The following DPP10 variants were observed in gnomAD, a reference collection of about 807,000 sequenced individuals.
The protein encoded by DPP10 is dipeptidyl peptidase like 10, also known as inactive dipeptidyl peptidase 10.
A neutral mutation model predicts 120.9 loss-of-function variants in DPP10; 33 were observed. That is an observed-to-expected ratio of 0.27 (90% CI 0.21 to 0.37). DPP10 has a LOEUF of 0.37. DPP10 is among the 10% of genes least tolerant of loss of function. The probability of loss-of-function intolerance (pLI) is 1.00; values close to 1 mark genes in which losing one functional copy is unlikely to be tolerated. For missense variants in DPP10, 816 were observed against 942.8 expected, an observed-to-expected ratio of 0.87 and a Z score of 1.76; for synonymous variants, 337 against 326.1, an observed-to-expected ratio of 1.03 and a Z score of -0.36.
chr2:115,818,062 G>A (rs942224830), intron 21 of DPP10, among the ~76,000 whole-genome samples: 3 of 152,100 alleles, frequency 2.0e-5, no homozygotes, highest in Non-Finnish European at 4.4e-5. Flanking sequence ...AAAAAAGAGA[G>A]GGATGGAGGG....
intron 21 of DPP10, among the ~76,000 whole-genome samples, chr2:115,830,410 T>C (rs549857044): frequency 1.3e-5 from 2 of 151,936 alleles, no homozygotes; most frequent in African/African-American, 4.8e-5. Context: ...AGTTTAGTTG[T>C]CTTATAAACA....
chr2:115,667,116 C>T (rs62157882), intron 5 of DPP10, among the ~76,000 whole-genome samples: 11,821 of 152,088 alleles, frequency 0.078, 643 homozygotes, highest in Non-Finnish European at 0.11. Context: ...TGATGTTGAG[C>T]GTATTTTCAT....
intron 5 of DPP10, among the ~76,000 whole-genome samples, chr2:115,628,720 C>T (rs1297975686): frequency 6.6e-6 from 1 of 151,906 alleles, no homozygotes; most frequent in Non-Finnish European, 1.5e-5. Context: ...GGTTCAGTTT[C>T]AATTTTCTAC....
At chr2:114,600,715 T>G (rs1450254305) in intron 1 of DPP10, among the ~76,000 whole-genome samples, 3 of 151,874 alleles carry the variant, frequency 2.0e-5, no homozygotes, top group Non-Finnish European at 2.9e-5. Context: ...CTAGCCTAAG[T>G]TGGTGTAGAA....
intron 1 of DPP10, among the ~76,000 whole-genome samples, chr2:115,201,534 T>C (rs2055720608): frequency 6.6e-6 from 1 of 152,182 alleles, no homozygotes; most frequent in Admixed American, 6.5e-5. Context: ...GGTCGGATTT[T>C]TCACATCACT....
At chr2:115,189,344 A>T (rs897563505) in intron 1 of DPP10, among the ~76,000 whole-genome samples, 14 of 151,946 alleles carry the variant, frequency 9.2e-5, no homozygotes. Context: ...AGAACAGGTG[A>T]CTCAGGATGA....
At chr2:115,379,965 A>T (rs1285665810) in intron 3 of DPP10, among the ~76,000 whole-genome samples, 1 of 152,154 alleles carries the variant, frequency 6.6e-6, no homozygotes, top group African/African-American at 2.4e-5. Context: ...GGAGAGCTTT[A>T]CTTCCAAGTA....
intron 1 of DPP10, among the ~76,000 whole-genome samples, chr2:114,476,309 G>A (rs371043386): frequency 1.9e-4 from 29 of 152,002 alleles, no homozygotes; most frequent in East Asian, 9.7e-4. Flanking sequence ...AGATTAACTG[G>A]GTATTGTTAT....
intron 1 of DPP10, among the ~76,000 whole-genome samples, chr2:115,193,255 T>A (rs1317667250): frequency 6.6e-6 from 1 of 152,210 alleles, no homozygotes; most frequent in Non-Finnish European, 1.5e-5. Flanking sequence ...AACCAGTTAA[T>A]TTACTTTCGG....
chr2:115,761,211 C>G (rs186368679), intron 11 of DPP10, among the ~76,000 whole-genome samples: 7 of 151,750 alleles, frequency 4.6e-5, no homozygotes, highest in Admixed American at 4.6e-4. Flanking sequence ...TCAAGACCTA[C>G]CTGGGCAACA....
chr2:114,789,705 GATAA>G (rs545763373), intron 1 of DPP10, among the ~76,000 whole-genome samples: 117 of 152,280 alleles, frequency 7.7e-4, no homozygotes, highest in African/African-American at 2.7e-3. Context: ...TCAGCCTTCT[GATAA>G]ATAAATACAT....
At chr2:114,942,031 T>G (rs1696941988) in intron 1 of DPP10, among the ~76,000 whole-genome samples, 1 of 151,794 alleles carries the variant, frequency 6.6e-6, no homozygotes, top group African/African-American at 2.4e-5. Context: ...CCCAGCATTT[T>G]GGGAGGCTGA....
chr2:115,048,131 C>T (rs1212649298), intron 1 of DPP10, among the ~76,000 whole-genome samples: 3 of 152,110 alleles, frequency 2.0e-5, no homozygotes, highest in African/African-American at 2.4e-5. Context: ...GGATACAGTG[C>T]CACGGTCAAC....
At chr2:114,996,866 C>T (rs1245270948) in intron 1 of DPP10, among the ~76,000 whole-genome samples, 3 of 151,318 alleles carry the variant, frequency 2.0e-5, no homozygotes, top group Non-Finnish European at 2.9e-5. Context: ...GCTGTACTCC[C>T]AGCTACTCGG....
intron 1 of DPP10, among the ~76,000 whole-genome samples, chr2:114,552,293 T>C (rs1306438066): frequency 6.6e-6 from 1 of 151,866 alleles, no homozygotes; most frequent in Non-Finnish European, 1.5e-5. Flanking sequence ...GCTAAGGGGT[T>C]TGTGTTTTTG....
rs1477433274 is a variant in DPP10, at chr2:115,176,046, T to G, written c.61-133193T>G. ...ACTCTGAGAAGTAAGGCTTTATTTC[T>G]CAAAAGCAAGGATTCTCTAATCCTA... On this transcript the variant is annotated intron_variant, in intron 1 of 25. Transcript: ENST00000410059. Among the ~76,000 whole-genome samples, 6 of 152,170 alleles carry G rather than the reference T, an allele frequency of 3.9e-5. No individual in the cohort carries two copies. The South Asian group carries it at 1.2e-3, about 32-fold the overall frequency.
In DPP10 at chr2:114,871,138, C is replaced by T. The variant is rs1456213220; in HGVS notation, c.60+428300C>T. On this transcript the variant is annotated intron_variant, in intron 1 of 25. Transcript: ENST00000410059. ...GCTGGTATTTACCCTCTAGCTTTCC[C>T]GATTTGAACTACGTCAAATAATGAC... Among the ~76,000 whole-genome samples, 5 of 134,478 alleles carry T rather than the reference C, an allele frequency of 3.7e-5. 1 individual carries two copies. Among genetic ancestry groups the T allele is most frequent in the Non-Finnish European group, 8.1e-5 (5 of 61,606 alleles). 88.2% of individuals were successfully genotyped at this position (134,478 alleles called of 152,430 possible). A position where few individuals can be genotyped will look rare whatever the true frequency, so the allele number is the denominator to read the frequency against.
At chr2:115,000,894 T>G (rs1026184361) in intron 1 of DPP10, among the ~76,000 whole-genome samples, 11 of 135,060 alleles carry the variant, frequency 8.1e-5, no homozygotes, top group African/African-American at 3.0e-4. Context: ...GAAATCATTG[T>G]GATTATACAA....
intron 1 of DPP10, among the ~76,000 whole-genome samples, chr2:114,987,442 T>A (rs1408770337): frequency 6.6e-6 from 1 of 152,146 alleles, no homozygotes; most frequent in Non-Finnish European, 1.5e-5. Flanking sequence ...CTTCATATAA[T>A]TTCACCCCTT....
Sources: gnomAD v4.1 joint callset for allele counts (sites outside exome capture counted in the v4.1 genomes callset) on GRCh38, gnomAD v4.1.1 for gene constraint, MANE v1.5 for transcripts, NCBI Gene and HGNC (gene_info 2026-07-23, HGNC 2026-07-21) for gene names.